The following TEAD4 variants were observed in gnomAD, a reference collection of about 807,000 sequenced individuals.
TEAD4 encodes the protein transcriptional enhancer factor TEF-3.
In TEAD4, 36 loss-of-function variants were observed where a neutral mutation model predicts 52.4. The observed-to-expected ratio is 0.69, with a 90% confidence interval of 0.53 to 0.91. The LOEUF is 0.91. TEAD4 is among the 40% of genes least tolerant of loss of function. The pLI is 0.00. For missense variants in TEAD4, 508 were observed against 583.9 expected, an observed-to-expected ratio of 0.87 and a Z score of 1.34; for synonymous variants, 220 against 231.0, an observed-to-expected ratio of 0.95 and a Z score of 0.43.
intron 2 of TEAD4, among the ~76,000 whole-genome samples, chr12:2,974,887 CG>C (rs1323895519): frequency 5.3e-5 from 8 of 152,108 alleles, no homozygotes; most frequent in Non-Finnish European, 8.8e-5. Context: ...CTGGCTTTGA[CG>C]GAATTCCAGG....
At chr12:3,008,861 G>A (rs1208817235) in intron 3 of TEAD4, among the ~76,000 whole-genome samples, 2 of 152,142 alleles carry the variant, frequency 1.3e-5, no homozygotes, top group Non-Finnish European at 2.9e-5. Context: ...ACCAAGAACC[G>A]TATCCCAGAT....
At chr12:2,982,616 CCCCGGGATGTGGG>C (rs1432582867) in intron 2 of TEAD4, among the ~76,000 whole-genome samples, 1 of 152,154 alleles carries the variant, frequency 6.6e-6, no homozygotes, top group Non-Finnish European at 1.5e-5. Flanking sequence ...CAGCTGCCAG[CCCCGGGATGTGGG>C]CCGCGGGCAG....
intron 7 of TEAD4, 73 bp downstream of exon 7, chr12:3,018,661 A>G (rs2098266374): frequency 1.3e-6 from 2 of 1,599,430 alleles, no homozygotes; most frequent in Non-Finnish European, 1.7e-6. Flanking sequence ...TCATGGCATT[A>G]AGCCTGGGCC....
At chr12:2,997,827 T>TA (rs1275981348) in intron 3 of TEAD4, among the ~76,000 whole-genome samples, 1 of 151,586 alleles carries the variant, frequency 6.6e-6, no homozygotes, top group Non-Finnish European at 1.5e-5. Flanking sequence ...GTGTGTGTGT[T>TA]AAAAAATACG....
intron 2 of TEAD4, among the ~76,000 whole-genome samples, chr12:2,977,600 G>C (rs967723251): frequency 1.3e-5 from 2 of 152,200 alleles, no homozygotes; most frequent in African/African-American, 2.4e-5. Context: ...AGGCAGGAAT[G>C]CTCATCCCCA....
chr12:2,980,532 AG>A (rs1231775010), intron 2 of TEAD4, among the ~76,000 whole-genome samples: 2 of 151,698 alleles, frequency 1.3e-5, no homozygotes, highest in Non-Finnish European at 2.9e-5. Context: ...CAGGAGCTCG[AG>A]ACCAGTCTGG....
chr12:3,001,701 C>A (rs892270564), intron 3 of TEAD4, among the ~76,000 whole-genome samples: 1 of 151,532 alleles, frequency 6.6e-6, no homozygotes, highest in African/African-American at 2.4e-5. Context: ...TGCTTGAACC[C>A]GGGAGGCGGA....
chr12:2,971,987 A>T (rs1002221402), intron 2 of TEAD4, among the ~76,000 whole-genome samples: 6 of 149,948 alleles, frequency 4.0e-5, no homozygotes, highest in African/African-American at 1.2e-4. Flanking sequence ...TATTTTTTGC[A>T]TTTTCAGTAG....
rs1357009456 is a variant in TEAD4, at chr12:2,960,010, A to C, written c.-60A>C. 1.3e-5 allele frequency: 2 copies of C among 152,258 alleles called. No individual in the cohort carries two copies. The highest frequency in any genetic ancestry group is 3.9e-4 in the East Asian group (2 of 5,174). 9.4% of individuals were successfully genotyped at this position (152,258 alleles called of 1,614,324 possible). On this transcript the variant is annotated 5_prime_UTR_variant, in exon 2 of 13. Transcript: ENST00000359864. ...GGACTCCTTGGAACTGGCTTAGCGC[A>C]CCCATCCCACCTTCCCGCACCCTGG... is the stretch of plus-strand genomic sequence containing the variant.
At chr12:2,999,842 C>T (rs1013625711) in intron 3 of TEAD4, among the ~76,000 whole-genome samples, 7 of 152,170 alleles carry the variant, frequency 4.6e-5, no homozygotes, top group East Asian at 1.9e-4. Flanking sequence ...CGGGTGGGCT[C>T]GTGTCCCGCC....
At chr12:3,019,654 C>G (rs1393301528) in intron 8 of TEAD4, among the ~76,000 whole-genome samples, 1 of 152,202 alleles carries the variant, frequency 6.6e-6, no homozygotes, top group Non-Finnish European at 1.5e-5. Context: ...CTGACAGGCT[C>G]TGCTCTGTCC....
chr12:2,988,663 G>C (rs559005269), intron 2 of TEAD4, among the ~76,000 whole-genome samples: 13 of 152,278 alleles, frequency 8.5e-5, no homozygotes, highest in African/African-American at 2.6e-4. Flanking sequence ...GATGGGACCA[G>C]ACTCCAGAAA....
At chr12:2,981,300 G>C (rs1368818635) in intron 2 of TEAD4, among the ~76,000 whole-genome samples, 1 of 152,240 alleles carries the variant, frequency 6.6e-6, no homozygotes, top group Non-Finnish European at 1.5e-5. Context: ...TGCAGGATAG[G>C]TTCTTCTTTC....
rs753528290 is a variant in TEAD4, at chr12:2,974,887, C to T, written c.-30+14847C>T. Among the ~76,000 whole-genome samples the T allele has an allele frequency of 3.0e-4, 45 of 152,108 alleles. 1 individual carries two copies. Among genetic ancestry groups the T allele is most frequent in the Admixed American group, 1.6e-3 (25 of 15,254 alleles). ...GAGGAAACAAGTGTGCTGGCTTTGACGGAATTCCAGGGCAAGTGCTTCTGT... is the reference window on the plus strand; with the variant it reads ...GAGGAAACAAGTGTGCTGGCTTTGATGGAATTCCAGGGCAAGTGCTTCTGT... On this transcript the variant is annotated intron_variant, in intron 2 of 12. Transcript: ENST00000359864.
intron 2 of TEAD4, among the ~76,000 whole-genome samples, chr12:2,966,785 C>T (rs1485687587): frequency 6.6e-6 from 1 of 152,030 alleles, no homozygotes; most frequent in Admixed American, 6.6e-5. Flanking sequence ...CGGCTCACTG[C>T]AACCTCCGCC....
chr12:2,996,007 C>CAA (rs553074088), intron 3 of TEAD4, among the ~76,000 whole-genome samples: 26,304 of 119,550 alleles, frequency 0.22, 3,000 homozygotes, highest in African/African-American at 0.36. Flanking sequence ...GGCCCTGTTT[C>CAA]AAAAAAAAAA....
chr12:3,013,037 G>A (rs1329570069), intron 5 of TEAD4, among the ~76,000 whole-genome samples: 1 of 152,108 alleles, frequency 6.6e-6, no homozygotes, highest in Non-Finnish European at 1.5e-5. Flanking sequence ...CTGCAGCCTC[G>A]ACCTCATAAG....
chr12:2,992,016 CTTTTTTTTT>C (rs372782883), intron 2 of TEAD4, among the ~76,000 whole-genome samples: 1 of 107,654 alleles, frequency 9.3e-6, no homozygotes, highest in Non-Finnish European at 1.8e-5. Flanking sequence ...GCGGTTCCTG[CTTTTTTTTT>C]TTTTTTTTTT....
chr12:2,995,044 G>A (rs777707804), intron 3 of TEAD4, 52 bp downstream of exon 3: 13 of 1,579,370 alleles, frequency 8.2e-6, no homozygotes, highest in South Asian at 8.2e-5. Flanking sequence ...GCAAGGGGCC[G>A]ACACCAGAAC....
Sources: gnomAD v4.1 joint callset for allele counts (sites outside exome capture counted in the v4.1 genomes callset) on GRCh38, gnomAD v4.1.1 for gene constraint, MANE v1.5 for transcripts, NCBI Gene and HGNC (gene_info 2026-07-23, HGNC 2026-07-21) for gene names.